The following EXOC2 variants were observed in gnomAD, a reference collection of about 807,000 sequenced individuals.
EXOC2 encodes the protein SEC5-like 1.
In EXOC2, 70 loss-of-function variants were observed where a neutral mutation model predicts 131.8. That is an observed-to-expected ratio of 0.53 (90% confidence interval 0.44 to 0.65). The LOEUF is 0.65. EXOC2 is among the 30% of genes least tolerant of loss of function. The pLI, the probability that EXOC2 is intolerant of heterozygous loss-of-function variation, is 0.00. For synonymous variants in EXOC2, 411 were observed against 398.4 expected, an observed-to-expected ratio of 1.03 and a Z score of -0.38; for missense variants, 923 against 1,108.6, an observed-to-expected ratio of 0.83 and a Z score of 2.38.
intron 13 of EXOC2, among the ~76,000 whole-genome samples, chr6:571,586 A>G (rs1758280234): frequency 6.6e-6 from 1 of 152,236 alleles, no homozygotes; most frequent in Admixed American, 6.5e-5. Flanking sequence ...ACTTTCCGCC[A>G]AGGAGGAGAG....
intron 24 of EXOC2, among the ~76,000 whole-genome samples, chr6:498,645 T>C (rs534433279): frequency 6.6e-6 from 1 of 152,356 alleles, no homozygotes; most frequent in East Asian, 1.9e-4. Context: ...TTCAAACTTC[T>C]AGCCAAATTT....
chr6:499,430 A>AACACACACACACAC (rs5873755), intron 24 of EXOC2, among the ~76,000 whole-genome samples: 87 of 141,742 alleles, frequency 6.1e-4, no homozygotes, highest in Non-Finnish European at 8.1e-4. Flanking sequence ...CTCACAGTTA[A>AACACACACACACAC]ACACACACAC....
At chr6:622,194 G>A (rs1176265110) in intron 4 of EXOC2, among the ~76,000 whole-genome samples, 2 of 152,160 alleles carry the variant, frequency 1.3e-5, no homozygotes, top group Non-Finnish European at 2.9e-5. Flanking sequence ...TTCTAGACAC[G>A]GCCATTCAAT....
At chr6:688,965 C>G (rs1223073490) in intron 1 of EXOC2, among the ~76,000 whole-genome samples, 1 of 152,144 alleles carries the variant, frequency 6.6e-6, no homozygotes, top group Non-Finnish European at 1.5e-5. Flanking sequence ...GAGAAAAGGC[C>G]TTTAAAAATT....
intron 1 of EXOC2, among the ~76,000 whole-genome samples, chr6:665,533 T>C (rs1462763987): frequency 6.6e-6 from 1 of 152,158 alleles, no homozygotes; most frequent in African/African-American, 2.4e-5. Context: ...AAAACCCAAA[T>C]GCCCATCAAT....
chr6:572,638 C>T lies in EXOC2; in HGVS notation c.1325G>A (p.Arg442Lys), dbSNP rs150993197. 9.9e-6 allele frequency: 16 copies of T among 1,613,178 alleles called. No homozygotes were observed. In the African/African-American group the frequency reaches 1.9e-4, roughly 19 times the overall value. ...GGCCACCCTGTGGGGAGTTTTGTAT[C>T]TCCACGCTAAGGGGGAAAAGAATAA... ...SFQSGRDDTW[R>K]YKTPHRVAFV... Residue 442 changes from arginine (R) to lysine (K), a missense_variant, in exon 13 of 28, where the codon AGA becomes AAA. Physicochemically the swap from Arg to Lys is conservative, Grantham distance 26 (BLOSUM62 2). Coordinates refer to ENST00000230449, the MANE Select transcript of EXOC2 (RefSeq NM_018303.6).
At chr6:516,686 G>C (rs904966975) in intron 23 of EXOC2, among the ~76,000 whole-genome samples, 1 of 152,258 alleles carries the variant, frequency 6.6e-6, no homozygotes, top group East Asian at 1.9e-4. Flanking sequence ...CAAGACGGTA[G>C]CATCTACGCA....
intron 25 of EXOC2, among the ~76,000 whole-genome samples, chr6:492,038 G>T (rs2127469367): frequency 6.6e-6 from 1 of 152,278 alleles, no homozygotes; most frequent in Middle Eastern, 3.4e-3. Context: ...AGAAACTTAT[G>T]AAACTATCAG....
chr6:609,009 G>A (rs1280798330), intron 7 of EXOC2, among the ~76,000 whole-genome samples: 1 of 152,128 alleles, frequency 6.6e-6, no homozygotes, highest in East Asian at 1.9e-4. Context: ...AAAAACAAGG[G>A]AAGATCTCAG....
chr6:690,765 A>G (rs1764887534), intron 1 of EXOC2, among the ~76,000 whole-genome samples: 1 of 152,208 alleles, frequency 6.6e-6, no homozygotes, highest in Non-Finnish European at 1.5e-5. Flanking sequence ...TATTCATATC[A>G]ATAATAATTT....
At chr6:498,823 G>A (rs1763881887) in intron 24 of EXOC2, among the ~76,000 whole-genome samples, 1 of 152,116 alleles carries the variant, frequency 6.6e-6, no homozygotes, top group African/African-American at 2.4e-5. Flanking sequence ...AGAGGCACCT[G>A]GGCAACGGTG....
At chr6:607,873 AAAAG>A (rs1262331455) in intron 7 of EXOC2, among the ~76,000 whole-genome samples, 1 of 152,248 alleles carries the variant, frequency 6.6e-6, no homozygotes, top group African/African-American at 2.4e-5. Flanking sequence ...TAACAATTTC[AAAAG>A]AAAGTGTCAA....
At chr6:654,367 C>A (rs930996301) in intron 1 of EXOC2, among the ~76,000 whole-genome samples, 2 of 152,060 alleles carry the variant, frequency 1.3e-5, no homozygotes, top group African/African-American at 2.4e-5. Context: ...ACTGATGATT[C>A]ATGGGAAGAG....
intron 1 of EXOC2, among the ~76,000 whole-genome samples, chr6:684,965 C>T (rs748888109): frequency 3.3e-5 from 5 of 152,172 alleles, no homozygotes; most frequent in Non-Finnish European, 7.3e-5. Flanking sequence ...ATGTTCTTCT[C>T]AGCTAGAGAA....
chr6:614,362 C>T (rs190198474), intron 6 of EXOC2, among the ~76,000 whole-genome samples: 2 of 152,356 alleles, frequency 1.3e-5, no homozygotes, highest in East Asian at 3.9e-4. Context: ...GCTGCAAGTA[C>T]TCCATGTGTG....
At chr6:490,311 T>C (rs968974553) in intron 26 of EXOC2, among the ~76,000 whole-genome samples, 1 of 152,186 alleles carries the variant, frequency 6.6e-6, no homozygotes, top group Admixed American at 6.5e-5. Flanking sequence ...TGTGCACACA[T>C]CCAACATGGG....
At chr6:683,614 A>T (rs1201560628) in intron 1 of EXOC2, among the ~76,000 whole-genome samples, 1 of 152,264 alleles carries the variant, frequency 6.6e-6, no homozygotes, top group Non-Finnish European at 1.5e-5. Flanking sequence ...TAAAACTGTT[A>T]AACATGACAG....
chr6:514,219 G>A (rs1211291587), intron 23 of EXOC2, among the ~76,000 whole-genome samples: 3 of 152,174 alleles, frequency 2.0e-5, no homozygotes. Flanking sequence ...TGTTTTCAAT[G>A]AACACTCAAA....
Position 576,796 on chromosome 6 carries a change from G to A in EXOC2, c.1279C>T (p.Leu427=), listed in dbSNP as rs761884075. The change falls in exon 12 of 28, where the codon CTG becomes TTG. Residue 427 remains leucine (L), a synonymous_variant. Transcript: ENST00000230449. ...GACTGAAAGCTGCTGCCCCTCTTCA[G>A]GGACGCTGTCTGACTGAGATGGCCC... is the stretch of plus-strand genomic sequence containing the variant. ...VLGHLSQTAS[L]KRGSSFQSGR... is the part of the protein sequence containing the mutation. The A allele has an allele frequency of 5.0e-6, 8 of 1,614,020 alleles. No homozygotes were observed. Among genetic ancestry groups the A allele is most frequent in the Non-Finnish European group, 6.8e-6 (8 of 1,180,024 alleles).
Sources: gnomAD v4.1 joint callset for allele counts (sites outside exome capture counted in the v4.1 genomes callset) on GRCh38, gnomAD v4.1.1 for gene constraint, MANE v1.5 for transcripts, NCBI Gene and HGNC (gene_info 2026-07-23, HGNC 2026-07-21) for gene names.